Variants in RGS6 observed in about 807,000 individuals in gnomAD.
RGS6 encodes regulator of G-protein signaling 6.
A neutral mutation model predicts 78.5 loss-of-function variants in RGS6; 30 were observed. The observed-to-expected ratio is 0.38, with a 90% CI of 0.29 to 0.52. The LOEUF is 0.52. Among genes scored for constraint, RGS6 ranks in the 20% least tolerant of loss-of-function variants. The pLI is 0.85. For synonymous variants in RGS6, 206 were observed against 206.0 expected (o/e 1.00, Z 0.00); for missense variants, 495 against 609.7 (o/e 0.81, Z 1.98).
At chr14:72,471,111 G>A (rs937694640) in intron 8 of RGS6, among the ~76,000 whole-genome samples, 19 of 151,794 alleles carry the variant, frequency 1.3e-4, no homozygotes, top group African/African-American at 4.1e-4. Context: ...GGGAGAGTCT[G>A]AACTTCTTCA....
At chr14:72,373,397 G>A (rs115376594) in intron 3 of RGS6, among the ~76,000 whole-genome samples, 1,775 of 152,182 alleles carry the variant, frequency 0.012, 27 homozygotes, top group African/African-American at 0.041. Flanking sequence ...TACCCATTGG[G>A]GCAGAACACT....
intron 2 of RGS6, among the ~76,000 whole-genome samples, chr14:72,341,381 C>G (rs2076961698): frequency 6.6e-6 from 1 of 152,204 alleles, no homozygotes; most frequent in Non-Finnish European, 1.5e-5. Context: ...GGCCTCTGCT[C>G]TAACACTGGG....
chr14:71,926,585 G>GAAAAAAAAAAAA, the RGS6 span, among the ~76,000 whole-genome samples: 767 of 51,142 alleles, frequency 0.015, 33 homozygotes, highest in African/African-American at 0.038. Flanking sequence ...CTCTGTCTCA[G>GAAAAAAAAAAAA]AAAAAAAAAA....
At chr14:71,896,903 T>C in the RGS6 span, among the ~76,000 whole-genome samples, 1 of 152,208 alleles carries the variant, frequency 6.6e-6, no homozygotes, top group Admixed American at 6.5e-5. Flanking sequence ...TACCTGTAAG[T>C]AGTGGCAGCT....
intron 2 of RGS6, among the ~76,000 whole-genome samples, chr14:72,081,748 G>A (rs2094833540): frequency 6.6e-6 from 1 of 152,016 alleles, no homozygotes; most frequent in Non-Finnish European, 1.5e-5. Context: ...AAAAATGCAA[G>A]TCTATCTTCA....
chr14:72,063,205 G>A (rs913454144), intron 2 of RGS6, among the ~76,000 whole-genome samples: 6 of 152,204 alleles, frequency 3.9e-5, no homozygotes, highest in South Asian at 4.1e-4. Context: ...CCAACAGTTA[G>A]AGGTTGAAGA....
At chr14:72,584,756 G>T in the RGS6 span, among the ~76,000 whole-genome samples, 1 of 152,182 alleles carries the variant, frequency 6.6e-6, no homozygotes, top group African/African-American at 2.4e-5. Flanking sequence ...TTACCATTAG[G>T]ATGCTTAGAA....
At chr14:72,331,801 G>A (rs556447451) in intron 2 of RGS6, among the ~76,000 whole-genome samples, 68 of 152,230 alleles carry the variant, frequency 4.5e-4, no homozygotes, top group African/African-American at 1.1e-3. Context: ...ATTCATTTTC[G>A]TAACAAACAC....
intron 2 of RGS6, among the ~76,000 whole-genome samples, chr14:72,096,338 T>C (rs1241606891): frequency 6.6e-6 from 1 of 151,922 alleles, no homozygotes; most frequent in Non-Finnish European, 1.5e-5. Flanking sequence ...TTATTAATTC[T>C]GTATATATTC....
At chr14:72,428,290 A>G (rs566454306) in intron 3 of RGS6, among the ~76,000 whole-genome samples, 1 of 152,324 alleles carries the variant, frequency 6.6e-6, no homozygotes, top group Non-Finnish European at 1.5e-5. Context: ...CGGCAAAGTT[A>G]CAGGTCACCT....
intron 2 of RGS6, among the ~76,000 whole-genome samples, chr14:72,127,270 AAGT>A (rs2096217808): frequency 1.3e-5 from 2 of 152,216 alleles, no homozygotes; most frequent in African/African-American, 4.8e-5. Flanking sequence ...TAGGCAAAAG[AAGT>A]AGTATTACTG....
chr14:72,139,836 T>C (rs1180812809), intron 2 of RGS6, among the ~76,000 whole-genome samples: 1 of 146,902 alleles, frequency 6.8e-6, no homozygotes, highest in Non-Finnish European at 1.5e-5. Context: ...TCAGGCAGAC[T>C]TTTTTTTTTT....
chr14:72,581,782 CCTT>C, the RGS6 span, among the ~76,000 whole-genome samples: 4 of 152,226 alleles, frequency 2.6e-5, no homozygotes, highest in African/African-American at 4.8e-5. Context: ...TCTCTAGAAA[CCTT>C]CTCTGATTCC....
At chr14:71,946,740 A>G (rs2091582078) in intron 1 of RGS6, among the ~76,000 whole-genome samples, 1 of 152,190 alleles carries the variant, frequency 6.6e-6, no homozygotes, top group Non-Finnish European at 1.5e-5. Flanking sequence ...GGGCATTTCA[A>G]TGTAAACAAA....
At chr14:71,882,246 T>C in the RGS6 span, among the ~76,000 whole-genome samples, 1 of 152,218 alleles carries the variant, frequency 6.6e-6, no homozygotes, top group African/African-American at 2.4e-5. Flanking sequence ...TGTCCTAAAG[T>C]TTTATCCGTG....
At chr14:71,912,395 C>T in the RGS6 span, among the ~76,000 whole-genome samples, 2 of 152,154 alleles carry the variant, frequency 1.3e-5, no homozygotes, top group African/African-American at 4.8e-5. Flanking sequence ...ACTAAAGGAT[C>T]TATTTTTGGT....
chr14:72,435,484 T>G (rs531644089), intron 3 of RGS6, among the ~76,000 whole-genome samples: 3 of 152,282 alleles, frequency 2.0e-5, no homozygotes, highest in South Asian at 4.2e-4. Context: ...GTGTATGAGT[T>G]TTCTATGCTG....
At chr14:72,219,771 A>G (rs1344275432) in intron 2 of RGS6, among the ~76,000 whole-genome samples, 1 of 152,190 alleles carries the variant, frequency 6.6e-6, no homozygotes, top group Non-Finnish European at 1.5e-5. Context: ...CCAAGACTAC[A>G]TAGAATTTCA....
intron 12 of RGS6, among the ~76,000 whole-genome samples, chr14:72,494,708 T>C (rs1195409162): frequency 6.6e-6 from 1 of 152,202 alleles, no homozygotes; most frequent in Non-Finnish European, 1.5e-5. Flanking sequence ...TTAAAAGTCT[T>C]TATCATAAGA....
Sources: gnomAD v4.1 joint callset for allele counts (sites outside exome capture counted in the v4.1 genomes callset) on GRCh38, gnomAD v4.1.1 for gene constraint, MANE v1.5 for transcripts, NCBI Gene and HGNC (gene_info 2026-07-23, HGNC 2026-07-21) for gene names.